HSD17B2: variants seen among roughly 807,000 people sequenced by gnomAD.
HSD17B2 encodes the protein hydroxysteroid 17-beta dehydrogenase 2.
Under a neutral mutation model 26.9 loss-of-function variants are expected in HSD17B2, and 32 were observed. That is an observed-to-expected ratio of 1.19 (90% CI 0.90 to 1.60). HSD17B2 has a LOEUF of 1.60. HSD17B2 is among the 40% of genes most tolerant of loss of function. The pLI, the probability that HSD17B2 is intolerant of heterozygous loss-of-function variation, is 0.00. For synonymous variants in HSD17B2, 246 were observed against 186.7 expected, an observed-to-expected ratio of 1.32 and a Z score of -2.59; for missense variants, 613 against 468.6, an observed-to-expected ratio of 1.31 and a Z score of -2.85.
chr16:82,090,299 A>ATTTTT (rs1904646987), intron 3 of HSD17B2: 1 of 63,378 alleles, frequency 1.6e-5, no homozygotes. Context: ...CCTAAACTAC[A>ATTTTT]TTGTTTTTTT....
chr16:82,070,692 A>G (rs1250970403), intron 2 of HSD17B2: 3 of 499,240 alleles, frequency 6.0e-6, no homozygotes, highest in Middle Eastern at 5.1e-4. Context: ...TCACTTAGTA[A>G]ATTCTGAAGA....
chr16:82,048,059 G>C (rs1436138069), intron 1 of HSD17B2, among the ~76,000 whole-genome samples: 5 of 152,216 alleles, frequency 3.3e-5, no homozygotes, highest in Non-Finnish European at 7.3e-5. Context: ...TCAGGTGGTG[G>C]TGTCCAAATT....
chr16:82,070,994 G>T lies in HSD17B2; in HGVS notation c.531G>T (p.Gly177=). The T allele has an allele frequency of 1.9e-6, 3 of 1,614,222 alleles. No homozygotes were observed. Among genetic ancestry groups the T allele is most frequent in the Admixed American group, 1.7e-5 (1 of 60,026 alleles). Residue 177 remains glycine, a synonymous_variant, in exon 3 of 5, where the codon GGG becomes GGT. Coordinates refer to ENST00000199936, the MANE Select transcript of HSD17B2 (RefSeq NM_002153.3). ...NAGVLGFPTD[G]ELLLMTDYKQ... ...GGGTGCTTGGCTTTCCAACTGATGGGGAGCTTCTTCTTATGACTGACTACA... is the reference window on the plus strand; with the variant it reads ...GGGTGCTTGGCTTTCCAACTGATGGTGAGCTTCTTCTTATGACTGACTACA...
At chr16:82,096,183 T>G (rs926168961) in intron 4 of HSD17B2, 2 of 152,138 alleles carry the variant, frequency 1.3e-5, no homozygotes, top group Non-Finnish European at 2.9e-5. Context: ...TAAATGAAAA[T>G]TATATCCATT....
At chr16:82,041,838 C>A (rs945292706) in intron 1 of HSD17B2, among the ~76,000 whole-genome samples, 1 of 152,092 alleles carries the variant, frequency 6.6e-6, no homozygotes, top group East Asian at 1.9e-4. Flanking sequence ...CAATTATCTC[C>A]TCTGAGAGAG....
At chr16:82,051,032 A>T (rs1385279211) in intron 1 of HSD17B2, among the ~76,000 whole-genome samples, 2 of 152,226 alleles carry the variant, frequency 1.3e-5, no homozygotes, top group Non-Finnish European at 2.9e-5. Flanking sequence ...TAGCTTAAAT[A>T]TTAACTTCTT....
rs113451791 is a variant in HSD17B2, at chr16:82,088,093, A to G, written c.665-2809A>G. ...TGCACAAATATGTGACAAAACTCTA[A>G]TGTTCAAGGTTTAATATTCAAAAGA... On this transcript the variant is annotated intron_variant, in intron 3 of 4. Transcript: ENST00000199936. Among the ~76,000 whole-genome samples, 672 of 152,306 alleles carry G rather than the reference A, an allele frequency of 4.4e-3. 5 individuals carry two copies. The highest frequency in any genetic ancestry group is 0.015 in the African/African-American group (637 of 41,570).
chr16:82,097,318 G>GTGTGTATA (rs1197319132), intron 4 of HSD17B2: 7 of 149,322 alleles, frequency 4.7e-5, no homozygotes, highest in Non-Finnish European at 8.9e-5. Flanking sequence ...ATATATATGT[G>GTGTGTATA]TGTGTATATA....
intron 3 of HSD17B2, among the ~76,000 whole-genome samples, chr16:82,072,829 G>T (rs1308614384): frequency 6.6e-6 from 1 of 152,206 alleles, no homozygotes; most frequent in Non-Finnish European, 1.5e-5. Context: ...GCCAAGGCAG[G>T]AGGATTACTT....
At chr16:82,040,891 T>C (rs1006928471) in intron 1 of HSD17B2, among the ~76,000 whole-genome samples, 12 of 152,200 alleles carry the variant, frequency 7.9e-5, no homozygotes, top group East Asian at 1.9e-4. Context: ...TGGAGAAGCA[T>C]GAGCAACAAA....
At chr16:82,078,425 C>A (rs1312606679) in intron 3 of HSD17B2, among the ~76,000 whole-genome samples, 1 of 152,150 alleles carries the variant, frequency 6.6e-6, no homozygotes, top group African/African-American at 2.4e-5. Context: ...AACCCTTGTA[C>A]ACTGTTCATG....
chr16:82,070,056 C>A (rs531119179), intron 2 of HSD17B2, among the ~76,000 whole-genome samples: 1 of 152,342 alleles, frequency 6.6e-6, no homozygotes, highest in East Asian at 1.9e-4. Flanking sequence ...CCTAATCCTT[C>A]TTCTCCACGT....
At chr16:82,069,592 C>T (rs1216627956) in intron 2 of HSD17B2, among the ~76,000 whole-genome samples, 1 of 152,190 alleles carries the variant, frequency 6.6e-6, no homozygotes, top group Admixed American at 6.5e-5. Flanking sequence ...CCTCTGTCTC[C>T]CCACAAATAC....
At chr16:82,052,523 C>G (rs1038831320) in intron 1 of HSD17B2, 1 of 152,178 alleles carries the variant, frequency 6.6e-6, no homozygotes, top group African/African-American at 2.4e-5. Flanking sequence ...AGGGAGCAAC[C>G]CTTGAGGTTT....
At chr16:82,050,661 CTTGAAGCA>C in intron 1 of HSD17B2, among the ~76,000 whole-genome samples, 1 of 152,316 alleles carries the variant, frequency 6.6e-6, no homozygotes. Flanking sequence ...TGCTAGTTAG[CTTGAAGCA>C]CCAAGCTCTA....
Position 82,075,600 on chromosome 16 carries a change from C to T in HSD17B2, c.664+4473C>T, listed in dbSNP as rs116172899. On this transcript the variant is annotated intron_variant, in intron 3 of 4. Transcript: ENST00000199936. ...CTACTATGAGTAACTAAGTATATAC[C>T]AATAAATTGGAGAACCTAGAAGAGA... 2.0e-3 allele frequency among the ~76,000 whole-genome samples: 304 copies of T among 152,004 alleles called. 2 individuals carry two copies. Among genetic ancestry groups the T allele is most frequent in the African/African-American group, 6.6e-3 (272 of 41,492 alleles).
chr16:82,050,403 C>G (rs1052746219), intron 1 of HSD17B2, among the ~76,000 whole-genome samples: 4 of 152,022 alleles, frequency 2.6e-5, no homozygotes, highest in Admixed American at 2.0e-4. Context: ...TAGATATGTC[C>G]ACGGCTCGTC....
Position 82,080,936 on chromosome 16 carries a change from T to C in HSD17B2, c.664+9809T>C, listed in dbSNP as rs538848105. Among the ~76,000 whole-genome samples, 3 of 152,198 alleles carry C rather than the reference T, an allele frequency of 2.0e-5. No homozygotes were observed. In the East Asian group the frequency reaches 5.8e-4, roughly 29 times the overall value. On this transcript the variant is annotated intron_variant, in intron 3 of 4. Transcript: ENST00000199936. ...TCCCTTCAGATTTTTGTGGTTGTTGTTGTTTTTGTTTTTTTTGTTTTTCCT... is the reference window on the plus strand; with the variant it reads ...TCCCTTCAGATTTTTGTGGTTGTTGCTGTTTTTGTTTTTTTTGTTTTTCCT...
intron 3 of HSD17B2, among the ~76,000 whole-genome samples, chr16:82,073,667 G>A (rs943926865): frequency 3.9e-5 from 6 of 151,964 alleles, no homozygotes; most frequent in African/African-American, 1.5e-4. Flanking sequence ...ATCTCCACAA[G>A]GAAGACTACA....
Sources: gnomAD v4.1 joint callset for allele counts (sites outside exome capture counted in the v4.1 genomes callset) on GRCh38, gnomAD v4.1.1 for gene constraint, MANE v1.5 for transcripts, NCBI Gene and HGNC (gene_info 2026-07-23, HGNC 2026-07-21) for gene names.